SLC14A2: variants seen among roughly 807,000 people sequenced by gnomAD.
SLC14A2 encodes urea transporter 2.
A neutral mutation model predicts 104.6 loss-of-function variants in SLC14A2; 91 were observed. The ratio of observed to expected loss-of-function variants is 0.87; its 90% confidence interval spans 0.73 to 1.04. The LOEUF (loss-of-function observed/expected upper bound fraction) is 1.04. Ranked by LOEUF, SLC14A2 falls within the 50% of genes least tolerant of loss-of-function variation. The probability of loss-of-function intolerance (pLI) is 0.00; values close to 1 mark genes in which losing one functional copy is unlikely to be tolerated. For missense variants in SLC14A2, 1,189 were observed against 1,156.0 expected (o/e 1.03, Z -0.41); for synonymous variants, 476 against 466.4 (o/e 1.02, Z -0.27).
intron 1 of SLC14A2, among the ~76,000 whole-genome samples, chr18:45,303,164 G>A (rs890071267): frequency 4.6e-5 from 7 of 152,346 alleles, no homozygotes; most frequent in Non-Finnish European, 1.0e-4. Flanking sequence ...GCCACGTGGT[G>A]GAGGAAGATT....
rs546053158 is a variant in SLC14A2, at chr18:45,241,567, C to A, written c.-125+28376C>A. On this transcript the variant is annotated intron_variant, in intron 1 of 20. Transcript: ENST00000586448. ...ACAGGCAACAGCCAGCAGAGGCTAC[C>A]ATCTCCAGGCAGTCCTCTGGCCTCT... Among the ~76,000 whole-genome samples the A allele has an allele frequency of 5.9e-5, 9 of 152,080 alleles. 1 individual carries two copies. In the South Asian group the frequency reaches 1.2e-3, roughly 21 times the overall value.
At chr18:45,350,796 G>A (rs1271178506) in intron 1 of SLC14A2, among the ~76,000 whole-genome samples, 1 of 150,988 alleles carries the variant, frequency 6.6e-6, no homozygotes, top group Non-Finnish European at 1.5e-5. Context: ...CTGAGACACA[G>A]CAGTTCCGCT....
At chr18:45,286,122 A>G (rs965468179) in intron 1 of SLC14A2, among the ~76,000 whole-genome samples, 4 of 152,224 alleles carry the variant, frequency 2.6e-5, no homozygotes, top group African/African-American at 9.6e-5. Context: ...TCATTTTCAC[A>G]GTGTATTGAT....
chr18:45,616,230 C>T (rs1044686910), intron 1 of SLC14A2, among the ~76,000 whole-genome samples: 32 of 152,320 alleles, frequency 2.1e-4, no homozygotes, highest in African/African-American at 4.8e-4. Context: ...ATTACCCCTA[C>T]GTAATAGGTG....
chr18:45,362,736 G>A (rs1312781251), intron 1 of SLC14A2, among the ~76,000 whole-genome samples: 1 of 152,248 alleles, frequency 6.6e-6, no homozygotes, highest in Non-Finnish European at 1.5e-5. Flanking sequence ...ATATCCAGAA[G>A]CAGCTGGTAT....
chr18:45,295,058 C>T (rs896729927), intron 1 of SLC14A2, among the ~76,000 whole-genome samples: 33 of 152,116 alleles, frequency 2.2e-4, no homozygotes, highest in African/African-American at 5.8e-4. Context: ...TAATGTGCTG[C>T]GAGCCACACT....
chr18:45,211,459 C>T (rs1337096899), upstream of SLC14A2, among the ~76,000 whole-genome samples: 1 of 152,164 alleles, frequency 6.6e-6, no homozygotes, highest in Non-Finnish European at 1.5e-5. Context: ...TTTCAGATGA[C>T]TTCTTTAACT....
chr18:45,378,880 G>A, intron 1 of SLC14A2, among the ~76,000 whole-genome samples: 1 of 152,064 alleles, frequency 6.6e-6, no homozygotes, highest in East Asian at 1.9e-4. Flanking sequence ...CGAAGTGCTG[G>A]GATTACAGGC....
intron 2 of SLC14A2, among the ~76,000 whole-genome samples, chr18:45,603,484 A>T (rs2035534): frequency 6.6e-6 from 1 of 151,862 alleles, no homozygotes; most frequent in East Asian, 1.9e-4. Flanking sequence ...ATTCTGAAAG[A>T]TGTGAGTCCT....
intron 1 of SLC14A2, among the ~76,000 whole-genome samples, chr18:45,317,026 A>G (rs929143378): frequency 6.6e-6 from 1 of 152,234 alleles, no homozygotes; most frequent in Non-Finnish European, 1.5e-5. Context: ...GACACAGAAA[A>G]ACTAAGGCAT....
chr18:45,391,640 T>C (rs1043178998), intron 1 of SLC14A2, among the ~76,000 whole-genome samples: 1 of 152,222 alleles, frequency 6.6e-6, no homozygotes, highest in African/African-American at 2.4e-5. Context: ...AGATGGTATC[T>C]CATTGTGGTT....
intron 1 of SLC14A2, among the ~76,000 whole-genome samples, chr18:45,330,797 G>T (rs2085282455): frequency 2.6e-5 from 4 of 152,168 alleles, no homozygotes; most frequent in Non-Finnish European, 4.4e-5. Flanking sequence ...CAAGATTCTG[G>T]ATCAAGTCTT....
chr18:45,576,241 G>C (rs1312828210), intron 2 of SLC14A2, among the ~76,000 whole-genome samples: 1 of 145,654 alleles, frequency 6.9e-6, no homozygotes, highest in African/African-American at 2.5e-5. Context: ...TTCAGTCTGG[G>C]TGTTTGGAGA....
At chr18:45,309,133 T>C (rs1365129402) in intron 1 of SLC14A2, among the ~76,000 whole-genome samples, 1 of 152,180 alleles carries the variant, frequency 6.6e-6, no homozygotes, top group Non-Finnish European at 1.5e-5. Context: ...GCCAAGGTTC[T>C]ATCCTCTGGA....
intron 1 of SLC14A2, among the ~76,000 whole-genome samples, chr18:45,446,219 T>G (rs753520846): frequency 6.6e-6 from 1 of 152,232 alleles, no homozygotes; most frequent in Non-Finnish European, 1.5e-5. Flanking sequence ...AGATCATTGT[T>G]ATGGATAGAA....
Position 45,281,317 on chromosome 18 carries a change from C to T in SLC14A2, c.-125+68126C>T, listed in dbSNP as rs972180191. ...ATATATACACACTTACACACACACA[C>T]GTTCATACCATACACACACACGTGC... On this transcript the variant is annotated intron_variant, in intron 1 of 20. Transcript: ENST00000586448. Among the ~76,000 whole-genome samples the T allele has an allele frequency of 1.9e-4, 29 of 152,234 alleles. No homozygotes were observed. The South Asian group carries it at 2.1e-3, about 11-fold the overall frequency.
chr18:45,408,513 C>T (rs2086180821), intron 1 of SLC14A2, among the ~76,000 whole-genome samples: 1 of 152,182 alleles, frequency 6.6e-6, no homozygotes, highest in Non-Finnish European at 1.5e-5. Flanking sequence ...CAATTTTGCA[C>T]ATGTACATAG....
At chr18:45,605,472 A>C (rs781016077) in intron 2 of SLC14A2, among the ~76,000 whole-genome samples, 27 of 152,162 alleles carry the variant, frequency 1.8e-4, no homozygotes, top group Non-Finnish European at 3.5e-4. Flanking sequence ...ACAAAGAAGC[A>C]TTAAAGAGTC....
At chr18:45,410,056 T>C (rs1403934804) in intron 1 of SLC14A2, among the ~76,000 whole-genome samples, 1 of 152,140 alleles carries the variant, frequency 6.6e-6, no homozygotes, top group African/African-American at 2.4e-5. Context: ...AATTAGATTC[T>C]CATAAGGAGC....
Sources: gnomAD v4.1 joint callset for allele counts (sites outside exome capture counted in the v4.1 genomes callset) on GRCh38, gnomAD v4.1.1 for gene constraint, MANE v1.5 for transcripts, NCBI Gene and HGNC (gene_info 2026-07-23, HGNC 2026-07-21) for gene names.